CFAP299: variants seen among roughly 807,000 people sequenced by gnomAD.
The protein encoded by CFAP299 is cilia- and flagella-associated protein 299.
A neutral mutation model predicts 27.0 loss-of-function variants in CFAP299; 21 were observed. That is an observed-to-expected ratio of 0.78 (90% CI 0.55 to 1.12). The LOEUF is 1.12. Among genes scored for constraint, CFAP299 ranks in the 50% most tolerant of loss-of-function variants. CFAP299 has a pLI of 0.00. For missense variants in CFAP299, 310 were observed against 276.6 expected (o/e 1.12, Z -0.86); for synonymous variants, 104 against 98.1 (o/e 1.06, Z -0.36).
At chr4:80,412,584 A>T in intron 2 of CFAP299, among the ~76,000 whole-genome samples, 1 of 152,136 alleles carries the variant, frequency 6.6e-6, no homozygotes, top group East Asian at 1.9e-4. Context: ...GAGAAAGCTG[A>T]AGGATTTGTA....
At chr4:80,823,549 C>T (rs1277754757) in intron 3 of CFAP299, among the ~76,000 whole-genome samples, 1 of 152,130 alleles carries the variant, frequency 6.6e-6, no homozygotes, top group Non-Finnish European at 1.5e-5. Flanking sequence ...AAAGACACTA[C>T]TGTCTTTCAT....
chr4:80,689,440 C>G (rs1720491772), intron 3 of CFAP299, among the ~76,000 whole-genome samples: 1 of 152,136 alleles, frequency 6.6e-6, no homozygotes, highest in Non-Finnish European at 1.5e-5. Flanking sequence ...TCCAGCCAAA[C>G]TAAGCTTCAA....
At chr4:80,420,201 C>A (rs535642214) in intron 2 of CFAP299, 3 of 455,964 alleles carry the variant, frequency 6.6e-6, no homozygotes, top group Non-Finnish European at 1.3e-5. Flanking sequence ...ATGTTTCTTT[C>A]GGACTTTTAC....
intron 3 of CFAP299, among the ~76,000 whole-genome samples, chr4:80,611,792 T>G (rs900853290): frequency 6.6e-6 from 1 of 152,068 alleles, no homozygotes; most frequent in Non-Finnish European, 1.5e-5. Flanking sequence ...CTGAATATGT[T>G]ACCTGAAAAC....
At chr4:80,600,153 A>G (rs982478609) in intron 3 of CFAP299, among the ~76,000 whole-genome samples, 3 of 152,224 alleles carry the variant, frequency 2.0e-5, no homozygotes, top group Admixed American at 2.0e-4. Flanking sequence ...AGAATGAGTT[A>G]GACTGAAACA....
intron 2 of CFAP299, among the ~76,000 whole-genome samples, chr4:80,564,009 T>C (rs1578605097): frequency 6.6e-6 from 1 of 151,872 alleles, no homozygotes; most frequent in South Asian, 2.1e-4. Flanking sequence ...CCTGAACAGA[T>C]CAATAAGTAA....
At chr4:80,418,175 A>T (rs1352198270) in intron 2 of CFAP299, among the ~76,000 whole-genome samples, 1 of 152,082 alleles carries the variant, frequency 6.6e-6, no homozygotes, top group Non-Finnish European at 1.5e-5. Context: ...ACATGGAAAT[A>T]ACTAACTCTT....
chr4:80,818,915 C>G (rs72881518), intron 3 of CFAP299, among the ~76,000 whole-genome samples: 11,742 of 151,962 alleles, frequency 0.077, 526 homozygotes, highest in African/African-American at 0.1. Context: ...CTGAGAGTAT[C>G]TTGGAAAAGA....
intron 2 of CFAP299, among the ~76,000 whole-genome samples, chr4:80,507,841 T>C (rs1560600160): frequency 6.6e-6 from 1 of 152,214 alleles, no homozygotes; most frequent in African/African-American, 2.4e-5. Flanking sequence ...ATTTATGTTG[T>C]TTCTTTCACT....
chr4:80,710,502 A>ATTTTTTT (rs1722090930), intron 3 of CFAP299, among the ~76,000 whole-genome samples: 2 of 23,364 alleles, frequency 8.6e-5, no homozygotes, highest in East Asian at 6.8e-4. Flanking sequence ...TTTTTTTTTA[A>ATTTTTTT]AAAAAAAAAG....
chr4:80,691,708 A>C (rs1414202351), intron 3 of CFAP299, among the ~76,000 whole-genome samples: 1 of 151,758 alleles, frequency 6.6e-6, no homozygotes, highest in Non-Finnish European at 1.5e-5. Context: ...ATCAGGCAGG[A>C]GAAGGAAATA....
chr4:80,943,101 C>T (rs183998093), intron 4 of CFAP299, among the ~76,000 whole-genome samples: 10 of 152,348 alleles, frequency 6.6e-5, no homozygotes, highest in African/African-American at 2.4e-4. Context: ...ATGCACAATT[C>T]TCAATTCACT....
At chr4:80,503,072 G>A (rs529912651) in intron 2 of CFAP299, among the ~76,000 whole-genome samples, 4 of 152,238 alleles carry the variant, frequency 2.6e-5, no homozygotes, top group African/African-American at 9.6e-5. Context: ...AGCAAGCAAG[G>A]TTCCTGCAGT....
At chr4:80,914,376 G>A (rs1477090198) in intron 4 of CFAP299, among the ~76,000 whole-genome samples, 3 of 152,080 alleles carry the variant, frequency 2.0e-5, no homozygotes, top group Non-Finnish European at 4.4e-5. Flanking sequence ...TGGTGTGTGT[G>A]TAGTATCAGA....
chr4:80,956,935 T>A (rs558230322), intron 5 of CFAP299, among the ~76,000 whole-genome samples: 1 of 152,310 alleles, frequency 6.6e-6, no homozygotes, highest in Admixed American at 6.5e-5. Context: ...GCAAAATTTT[T>A]AAATTTTTCT....
chr4:80,603,954 C>G (rs1011695790), intron 3 of CFAP299, among the ~76,000 whole-genome samples: 1 of 152,090 alleles, frequency 6.6e-6, no homozygotes, highest in Admixed American at 6.5e-5. Flanking sequence ...TAAATTAATA[C>G]AACATGTTAC....
chr4:80,559,317 T>C (rs13104915), intron 2 of CFAP299, among the ~76,000 whole-genome samples: 44,588 of 151,948 alleles, frequency 0.29, 9,771 homozygotes, highest in African/African-American at 0.61. Context: ...GTATTACTTC[T>C]GCCATAATAT....
At chr4:80,829,233 A>G (rs1254602179) in intron 3 of CFAP299, among the ~76,000 whole-genome samples, 1 of 152,110 alleles carries the variant, frequency 6.6e-6, no homozygotes, top group Non-Finnish European at 1.5e-5. Flanking sequence ...TCAACAACAA[A>G]AAAACAAATA....
rs181923903 is a variant in CFAP299 at position 80,818,768 on chromosome 4, C to T, written c.334-51225C>T. ...TAAAACACTAAAAATAGTGAGTTGT[C>T]ATATGAAAATGTCATCTAGGGCCAT... On this transcript the variant is annotated intron_variant, in intron 3 of 5. Transcript: ENST00000358105. 9.2e-5 allele frequency among the ~76,000 whole-genome samples: 14 copies of T among 152,132 alleles called. No individual in the cohort carries two copies. In the East Asian group the frequency reaches 2.7e-3, roughly 29 times the overall value.
Sources: allele counts gnomAD v4.1 joint callset (sites outside exome capture counted in the v4.1 genomes callset), GRCh38; gene constraint gnomAD v4.1.1; transcripts MANE v1.5; gene names NCBI Gene and HGNC (gene_info 2026-07-23, HGNC 2026-07-21).